The following DCBLD1 variants were observed in gnomAD, a reference collection of about 807,000 sequenced individuals.
DCBLD1 encodes discoidin, CUB and LCCL domain-containing protein 1.
Under a neutral mutation model 71.5 loss-of-function variants are expected in DCBLD1, and 57 were observed. That is an observed-to-expected ratio of 0.80 (90% confidence interval 0.64 to 0.99). The LOEUF is 0.99. Ranked by LOEUF, DCBLD1 falls within the 50% of genes least tolerant of loss-of-function variation. The pLI is 0.00. For synonymous variants in DCBLD1, 380 were observed against 363.8 expected (o/e 1.04, Z -0.51); for missense variants, 891 against 923.5 (o/e 0.96, Z 0.46).
At chr6:117,547,820 C>T (rs972517867) in intron 14 of DCBLD1, 87 bp from the exon 15 acceptor site, 2 of 1,545,644 alleles carry the variant, frequency 1.3e-6, no homozygotes, top group Non-Finnish European at 8.7e-7. Flanking sequence ...TCAGTCACCA[C>T]GACCTGAAGC....
intron 1 of DCBLD1, chr6:117,494,977 C>A (rs1777423442): frequency 6.6e-6 from 1 of 152,180 alleles, no homozygotes; most frequent in South Asian, 2.1e-4. Context: ...ACTGTAAGGG[C>A]TTTGAGATGT....
chr6:117,489,716 T>C (rs1182422534), intron 1 of DCBLD1, among the ~76,000 whole-genome samples: 2 of 152,232 alleles, frequency 1.3e-5, no homozygotes, highest in East Asian at 3.9e-4. Context: ...AAACCCCGTC[T>C]CTACTAAAAA....
intron 2 of DCBLD1, among the ~76,000 whole-genome samples, chr6:117,512,715 C>CT (rs143109024): frequency 0.026 from 3,950 of 152,222 alleles, 77 homozygotes; most frequent in East Asian, 0.052. Context: ...ATGTTCTTAT[C>CT]TGTCATAAGA....
chr6:117,558,787 A>G (rs1170963663), intron 14 of DCBLD1, among the ~76,000 whole-genome samples: 1 of 152,210 alleles, frequency 6.6e-6, no homozygotes, highest in African/African-American at 2.4e-5. Context: ...AAGTCAGTGT[A>G]GGTACCCTCT....
intron 9 of DCBLD1, 65 bp downstream of exon 9, chr6:117,539,444 A>G: frequency 6.7e-7 from 1 of 1,489,518 alleles, no homozygotes; most frequent in Non-Finnish European, 9.0e-7. Context: ...ATTTTCATCA[A>G]TGTGTTTACA....
At chr6:117,567,126 G>A (rs1779714575) in intron 14 of DCBLD1, 1 of 856,782 alleles carries the variant, frequency 1.2e-6, no homozygotes, top group Admixed American at 3.3e-5. Flanking sequence ...CTTAGGGGTA[G>A]AGAGATCTAA....
In DCBLD1 at chr6:117,536,780, T is replaced by A. The variant is rs117569268; in HGVS notation, c.720-405T>A. Among the ~76,000 whole-genome samples the A allele has an allele frequency of 1.5e-3, 234 of 152,322 alleles. 5 individuals carry two copies. The East Asian group carries it at 0.042, about 27-fold the overall frequency. ...GGTGACTGCTGAAACAAAGGGAGAT[T>A]TCAGGGCAGTAATCCTTTCTGTCTT... is the stretch of plus-strand genomic sequence containing the variant. On this transcript the variant is annotated intron_variant, in intron 6 of 14. Transcript: ENST00000338728.
chr6:117,513,245 A>C (rs147512187), intron 2 of DCBLD1, among the ~76,000 whole-genome samples: 1 of 152,320 alleles, frequency 6.6e-6, no homozygotes, highest in East Asian at 1.9e-4. Flanking sequence ...GGAAAGATAA[A>C]GGGTTTCCCT....
chr6:117,518,594 A>G lies in DCBLD1; in HGVS notation c.326-1222A>G, dbSNP rs1442814652. On this transcript the variant is annotated intron_variant, in intron 2 of 14. Coordinates refer to ENST00000338728, the MANE Select transcript of DCBLD1 (RefSeq NM_001366458.2). The stretch of plus-strand genomic sequence containing the variant: ...ACAAGAGAAAGGTTTAATTGGACTT[A>G]CAGTCCCACATGGCTAGGAAAGCCT... Among the ~76,000 whole-genome samples the G allele has an allele frequency of 2.0e-5, 3 of 152,334 alleles. No individual in the cohort carries two copies. In the East Asian group the frequency reaches 5.8e-4, roughly 29 times the overall value.
At chr6:117,563,148 G>A (rs1314030519) in intron 14 of DCBLD1, 3 of 1,021,510 alleles carry the variant, frequency 2.9e-6, no homozygotes, top group Admixed American at 2.1e-5. Flanking sequence ...CTTTCATTTA[G>A]GCAACAAACA....
intron 1 of DCBLD1, among the ~76,000 whole-genome samples, chr6:117,499,402 C>G (rs1777577207): frequency 6.7e-6 from 1 of 149,380 alleles, no homozygotes; most frequent in African/African-American, 2.5e-5. Flanking sequence ...ATGAGACCGT[C>G]TCAAAAAGAA....
intron 13 of DCBLD1, 99 bp from the exon 14 acceptor site, chr6:117,545,379 A>G: frequency 1.3e-6 from 2 of 1,510,684 alleles, no homozygotes; most frequent in Non-Finnish European, 1.8e-6. Flanking sequence ...GTCAGCTGTC[A>G]GGAGGCAGCC....
chr6:117,482,716 G>A lies in DCBLD1; in HGVS notation c.-66G>A, dbSNP rs1441897203. 2.3e-5 allele frequency: 25 copies of A among 1,104,486 alleles called. No individual in the cohort carries two copies. The highest frequency in any genetic ancestry group is 8.9e-5 in the South Asian group (2 of 22,508). The allele number at this position is 1,104,486 out of a possible 1,614,324, so 68.4% of individuals were successfully genotyped here. On this transcript the variant is annotated 5_prime_UTR_variant, in exon 1 of 15. Coordinates refer to ENST00000338728, the MANE Select transcript of DCBLD1 (RefSeq NM_001366458.2). ...GTCCGCAGAGGAGGCGGCCCGGCCC[G>A]GGCAGCTGCGGCTCGGGATCCGTCG...
At chr6:117,544,831 T>G (rs1268624900) in intron 13 of DCBLD1, among the ~76,000 whole-genome samples, 2 of 151,836 alleles carry the variant, frequency 1.3e-5, no homozygotes, top group Non-Finnish European at 2.9e-5. Flanking sequence ...CACTGGAGTT[T>G]AGGCCACGAC....
intron 6 of DCBLD1, among the ~76,000 whole-genome samples, chr6:117,533,361 T>C (rs1778786909): frequency 6.6e-6 from 1 of 152,194 alleles, no homozygotes; most frequent in Admixed American, 6.5e-5. Context: ...CCTAGCCCCC[T>C]CTTGCATCAG....
intron 14 of DCBLD1, among the ~76,000 whole-genome samples, chr6:117,559,855 A>ACTT (rs1055183864): frequency 3.7e-4 from 56 of 152,332 alleles, no homozygotes; most frequent in African/African-American, 1.3e-3. Flanking sequence ...TGGGGAAAAG[A>ACTT]CTTCTTTTCA....
chr6:117,507,793 T>C lies in DCBLD1; in HGVS notation c.325+3814T>C, dbSNP rs560287020. On this transcript the variant is annotated intron_variant, in intron 2 of 14. Transcript: ENST00000338728. Reference sequence around the variant, plus strand: ...GTTGAGTTGGTTTGATGTTTCCTTGTGATTGAATTCAGATTATATATTCTG... The same window carrying C: ...GTTGAGTTGGTTTGATGTTTCCTTGCGATTGAATTCAGATTATATATTCTG... Among the ~76,000 whole-genome samples the C allele has an allele frequency of 6.5e-3, 994 of 152,298 alleles. 3 individuals carry two copies. Among genetic ancestry groups the C allele is most frequent in the Non-Finnish European group, 0.011 (770 of 68,012 alleles).
Position 117,503,888 on chromosome 6 carries a change from A to G in DCBLD1, c.234A>G (p.Lys78=), listed in dbSNP as rs149652885. ...CEKTITVPKG[K]RLILRLGDLD... is the part of the protein sequence containing the mutation. ...AGACAATTACAGTACCAAAGGGGAA[A>G]AGACTGATTCTGAGGTTGGGAGATT... Residue 78 remains lysine, a synonymous_variant, in exon 2 of 15, where the codon AAA becomes AAG. Coordinates refer to ENST00000338728, the MANE Select transcript of DCBLD1 (RefSeq NM_001366458.2). The G allele has an allele frequency of 4.2e-5, 68 of 1,614,162 alleles. No individual in the cohort carries two copies. In the African/African-American group the frequency reaches 8.3e-4, roughly 20 times the overall value.
chr6:117,543,972 G>A (rs1382118882), intron 12 of DCBLD1, among the ~76,000 whole-genome samples: 1 of 152,138 alleles, frequency 6.6e-6, no homozygotes, highest in Non-Finnish European at 1.5e-5. Context: ...ACAAAAAATG[G>A]AAAGTATTCT....
Sources: allele counts gnomAD v4.1 joint callset (sites outside exome capture counted in the v4.1 genomes callset), GRCh38; gene constraint gnomAD v4.1.1; transcripts MANE v1.5; gene names NCBI Gene and HGNC (gene_info 2026-07-23, HGNC 2026-07-21).